Variants in ACTL8 observed in about 807,000 individuals in gnomAD.
ACTL8 encodes actin-like protein 8.
ACTL8 carries 3 observed loss-of-function variants against 9.3 expected under a neutral mutation model. That is an observed-to-expected ratio of 0.32 (90% CI 0.15 to 0.83). The LOEUF is 0.83. Among genes scored for constraint, ACTL8 ranks in the 40% least tolerant of loss-of-function variants. ACTL8 has a pLI of 0.57. For synonymous variants in ACTL8, 224 were observed against 205.9 expected (o/e 1.09, Z -0.75); for missense variants, 381 against 492.2 (o/e 0.77, Z 2.14).
At chr1:17,756,846 C>T (rs1222318481) in intron 1 of ACTL8, among the ~76,000 whole-genome samples, 2 of 152,184 alleles carry the variant, frequency 1.3e-5, no homozygotes, top group African/African-American at 4.8e-5. Flanking sequence ...TGTTGGGAGC[C>T]AGAGTGATGC....
In ACTL8 at chr1:17,826,457, C is replaced by A. The variant is rs763672446; in HGVS notation, c.1039C>A (p.Leu347Ile). 2 of 1,611,992 alleles carry A rather than the reference C, an allele frequency of 1.2e-6. No homozygotes were observed. Among genetic ancestry groups the A allele is most frequent in the Non-Finnish European group, 8.5e-7 (1 of 1,178,786 alleles). ...VWLGASVVAHLSTYQSEWMSR... is the reference protein window; with the variant it reads ...VWLGASVVAHISTYQSEWMSR... The stretch of plus-strand genomic sequence containing the variant: ...GCTAGGAGCGTCCGTGGTGGCTCAC[C>A]TTTCTACCTACCAGTCTGAGTGGAT... Residue 347 changes from leucine to isoleucine, a missense_variant, in exon 3 of 3, where the codon CTT becomes ATT. This residue lies in a region of ACTL8 where 243 missense variants were observed against 276.2 expected (regional missense o/e 0.88). Transcript: ENST00000375406. The surrounding 1 kb of genome is among the most constrained non-coding windows in gnomAD (Gnocchi z 4.5).
intron 1 of ACTL8, among the ~76,000 whole-genome samples, chr1:17,757,513 TA>T (rs2065976127): frequency 9.6e-6 from 1 of 104,656 alleles, no homozygotes; most frequent in Non-Finnish European, 1.7e-5. Flanking sequence ...CAAGTGGAAA[TA>T]CCTTTCCCTC....
chr1:17,816,529 A>G (rs766449580), intron 1 of ACTL8, among the ~76,000 whole-genome samples: 7 of 152,224 alleles, frequency 4.6e-5, no homozygotes, highest in Non-Finnish European at 1.0e-4. Flanking sequence ...TTTTCAGGCT[A>G]AAAATATTTG....
At chr1:17,797,219 C>G (rs1400664536) in intron 1 of ACTL8, among the ~76,000 whole-genome samples, 2 of 152,154 alleles carry the variant, frequency 1.3e-5, no homozygotes, top group Non-Finnish European at 2.9e-5. Context: ...CCAGGCAGGA[C>G]AGCAGCTGCC....
At chr1:17,793,473 C>CT (rs1372205126) in intron 1 of ACTL8, among the ~76,000 whole-genome samples, 2 of 152,156 alleles carry the variant, frequency 1.3e-5, no homozygotes, top group African/African-American at 4.8e-5. Context: ...TCAAGTTCTC[C>CT]TTTTTTTGAG....
intron 1 of ACTL8, among the ~76,000 whole-genome samples, chr1:17,780,758 T>A (rs1011178008): frequency 1.5e-4 from 2 of 13,254 alleles, no homozygotes; most frequent in Admixed American, 9.4e-4. Context: ...GGGGTGGGGG[T>A]GGGGAGGATA....
At chr1:17,814,333 C>T (rs926298324) in intron 1 of ACTL8, among the ~76,000 whole-genome samples, 4 of 152,090 alleles carry the variant, frequency 2.6e-5, no homozygotes, top group African/African-American at 9.7e-5. Context: ...CCATATCTAC[C>T]AACAAAACAA....
chr1:17,758,087 C>T (rs1177984926), intron 1 of ACTL8, among the ~76,000 whole-genome samples: 2 of 152,170 alleles, frequency 1.3e-5, no homozygotes, highest in African/African-American at 2.4e-5. Context: ...TGAGGGAGCC[C>T]CTTTGTCCTT....
chr1:17,826,058 G>T lies in ACTL8; in HGVS notation c.640G>T (p.Val214Leu). 6.2e-7 allele frequency: 1 copy of T among 1,607,016 alleles called. No individual in the cohort carries two copies. Among genetic ancestry groups the T allele is most frequent in the Non-Finnish European group, 8.5e-7 (1 of 1,180,000 alleles). ...VAVTQMNKCY[V>L]PQNLGEALDF... is the part of the protein sequence containing the mutation. ...CGTGACTCAGATGAACAAGTGCTAC[G>T]TGCCGCAGAATCTGGGGGAGGCCCT... The change falls in exon 3 of 3, where the codon GTG becomes TTG. Residue 214 changes from valine to leucine, a missense_variant. Val to Leu is a conservative substitution (Grantham distance 32, BLOSUM62 1). Around this residue, in one of 3 missense-constraint regions of ACTL8, gnomAD observed 243 missense variants for 276.2 expected, o/e 0.88. Coordinates refer to ENST00000375406, the MANE Select transcript of ACTL8 (RefSeq NM_030812.3). The surrounding 1 kb of genome is among the most constrained non-coding windows in gnomAD (Gnocchi z 4.5).
In ACTL8 at chr1:17,767,245, G is replaced by A. The variant is rs932208937; in HGVS notation, c.-25+11741G>A. Among the ~76,000 whole-genome samples the A allele has an allele frequency of 1.3e-5, 2 of 152,170 alleles. No homozygotes were observed. Among genetic ancestry groups the A allele is most frequent in the African/African-American group, 4.8e-5 (2 of 41,442 alleles). ...AACAGTGAGGAGGGCATCAGGAGGT[G>A]AGGTCAGAACGGTAAGAGTGAGGAG... is the stretch of plus-strand genomic sequence containing the variant. On this transcript the variant is annotated intron_variant, in intron 1 of 2. Coordinates refer to ENST00000375406, the MANE Select transcript of ACTL8 (RefSeq NM_030812.3). The surrounding 1 kb of genome is among the most constrained non-coding windows in gnomAD (Gnocchi z 4.7).
intron 1 of ACTL8, among the ~76,000 whole-genome samples, chr1:17,786,485 G>C (rs1279264305): frequency 6.6e-6 from 1 of 152,202 alleles, no homozygotes; most frequent in Non-Finnish European, 1.5e-5. Context: ...CTGTGTTCTG[G>C]AGAGTGAAGG....
intron 1 of ACTL8, among the ~76,000 whole-genome samples, chr1:17,773,899 T>G (rs547977798): frequency 6.6e-6 from 1 of 152,350 alleles, no homozygotes; most frequent in Non-Finnish European, 1.5e-5. Context: ...GAAGAGGCTG[T>G]CTGTGCAGGG....
intron 1 of ACTL8, among the ~76,000 whole-genome samples, chr1:17,786,122 T>C (rs972135389): frequency 6.6e-6 from 1 of 152,204 alleles, no homozygotes; most frequent in Admixed American, 6.5e-5. Context: ...GTCCTCTCCA[T>C]AGGCAGAGCC....
At chr1:17,796,299 C>CG (rs1458353233) in intron 1 of ACTL8, among the ~76,000 whole-genome samples, 5 of 124,430 alleles carry the variant, frequency 4.0e-5, no homozygotes, top group Non-Finnish European at 6.8e-5. Flanking sequence ...TCTGTGCATG[C>CG]GTGCACCTGT....
intron 1 of ACTL8, among the ~76,000 whole-genome samples, chr1:17,784,832 A>G (rs934624328): frequency 6.6e-6 from 1 of 152,228 alleles, no homozygotes; most frequent in African/African-American, 2.4e-5. Context: ...GTCCGTTTGC[A>G]CACTGCTGAT....
intron 1 of ACTL8, among the ~76,000 whole-genome samples, chr1:17,759,726 C>G (rs1569986798): frequency 6.6e-6 from 1 of 152,152 alleles, no homozygotes; most frequent in Admixed American, 6.5e-5. Flanking sequence ...GAGTAGAAGC[C>G]TCTTCCTTGA....
chr1:17,797,461 C>T (rs527978095), intron 1 of ACTL8, among the ~76,000 whole-genome samples: 9 of 152,250 alleles, frequency 5.9e-5, no homozygotes, highest in African/African-American at 1.2e-4. Flanking sequence ...AGAATGTTCC[C>T]AAAAGGAGTG....
At chr1:17,762,317 C>T (rs974066691) in intron 1 of ACTL8, among the ~76,000 whole-genome samples, 2 of 152,074 alleles carry the variant, frequency 1.3e-5, no homozygotes, top group Non-Finnish European at 2.9e-5. Context: ...GGGGTCTTGT[C>T]GCTGGTCCAC....
intron 1 of ACTL8, among the ~76,000 whole-genome samples, chr1:17,761,931 G>A (rs988911742): frequency 6.6e-6 from 1 of 151,840 alleles, no homozygotes; most frequent in Non-Finnish European, 1.5e-5. Flanking sequence ...AGATCACATC[G>A]TGGGTTTCTC....
Sources: gnomAD v4.1 joint callset for allele counts (sites outside exome capture counted in the v4.1 genomes callset) on GRCh38, gnomAD v4.1.1 for gene constraint, gnomAD v4.1.1 regional missense constraint, Gnocchi (gnomAD v3.1) non-coding constraint, MANE v1.5 for transcripts, NCBI Gene and HGNC (gene_info 2026-07-23, HGNC 2026-07-21) for gene names.